CCAR1: variants seen among roughly 807,000 people sequenced by gnomAD.
CCAR1 encodes the protein cell division cycle and apoptosis regulator protein 1.
Under a neutral mutation model 163.8 loss-of-function variants are expected in CCAR1, and 78 were observed. That is an observed-to-expected ratio of 0.48 (90% CI 0.40 to 0.57). The LOEUF is 0.57. Among genes scored for constraint, CCAR1 ranks in the 20% least tolerant of loss-of-function variants. The pLI is 0.00. For missense variants in CCAR1, 1,019 were observed against 1,365.2 expected, an observed-to-expected ratio of 0.75 and a Z score of 4.00; for synonymous variants, 443 against 460.7, an observed-to-expected ratio of 0.96 and a Z score of 0.49.
intron 19 of CCAR1, among the ~76,000 whole-genome samples, chr10:68,780,831 C>A (rs1003337772): frequency 1.3e-5 from 2 of 152,142 alleles, no homozygotes; most frequent in Non-Finnish European, 2.9e-5. Flanking sequence ...AGATGACGAG[C>A]TTAATTATAA....
At chr10:68,743,811 T>G (rs983183248) in intron 6 of CCAR1, among the ~76,000 whole-genome samples, 1 of 151,990 alleles carries the variant, frequency 6.6e-6, no homozygotes, top group Non-Finnish European at 1.5e-5. Flanking sequence ...AGTGCAGTGG[T>G]GCGATCTCAG....
intron 19 of CCAR1, among the ~76,000 whole-genome samples, chr10:68,775,497 C>CTT (rs58856212): frequency 1.5e-4 from 18 of 117,982 alleles, no homozygotes; most frequent in African/African-American, 5.2e-4. Flanking sequence ...GCCTCATTTT[C>CTT]TTTTTTTTTT....
Position 68,738,822 on chromosome 10 carries a change from G to A in CCAR1, c.291+933G>A, listed in dbSNP as rs189066371. Among the ~76,000 whole-genome samples the A allele has an allele frequency of 1.0e-3, 153 of 152,166 alleles. 1 individual carries two copies. Among genetic ancestry groups the A allele is most frequent in the Admixed American group, 4.1e-3 (62 of 15,274 alleles). The stretch of plus-strand genomic sequence containing the variant: ...AGCACTTTGGGAGGCCAAGGCGGGC[G>A]GATCACTTGAGGTCAGGAGTTTGAT... On this transcript the variant is annotated intron_variant, in intron 4 of 24. Coordinates refer to ENST00000265872, the MANE Select transcript of CCAR1 (RefSeq NM_018237.4).
chr10:68,721,391 G>T (rs910747948), intron 1 of CCAR1, 109 bp downstream of exon 1: 4 of 286,526 alleles, frequency 1.4e-5, no homozygotes, highest in African/African-American at 4.8e-5. Flanking sequence ...TAGCCCGGCG[G>T]CCCCGGGCGG....
chr10:68,771,826 T>G lies in CCAR1; in HGVS notation c.2538+381T>G, dbSNP rs147125271. Reference sequence around the variant, plus strand: ...TTCAGATCTTCAAATTAAGCCAATATGAGCATCTACAGCTAGTTTTCTAAT... The same window carrying G: ...TTCAGATCTTCAAATTAAGCCAATAGGAGCATCTACAGCTAGTTTTCTAAT... On this transcript the variant is annotated intron_variant, in intron 18 of 24. Coordinates refer to ENST00000265872, the MANE Select transcript of CCAR1 (RefSeq NM_018237.4). 5.7e-3 allele frequency among the ~76,000 whole-genome samples: 872 copies of G among 152,218 alleles called. 11 individuals carry two copies. Among genetic ancestry groups the G allele is most frequent in the African/African-American group, 0.02 (830 of 41,546 alleles).
Position 68,747,260 on chromosome 10 carries a change from A to G in CCAR1, c.618A>G (p.Gln206=). The G allele has an allele frequency of 1.2e-6, 2 of 1,606,196 alleles. No individual in the cohort carries two copies. Among genetic ancestry groups the G allele is most frequent in the South Asian group, 2.2e-5 (2 of 89,898 alleles). ...MPFKWNAQRI[Q]TLPNQNQSQT... is the part of the protein sequence containing the mutation. ...TTAAATGGAATGCACAGAGAATTCA[A>G]ACACTACCAAATCAGGTACAGAAAG... Residue 206 remains glutamine, a synonymous_variant, in exon 7 of 25, where the codon CAA becomes CAG. Transcript: ENST00000265872.
chr10:68,758,803 G>C (rs2056432910), intron 15 of CCAR1, among the ~76,000 whole-genome samples: 1 of 151,594 alleles, frequency 6.6e-6, no homozygotes. Flanking sequence ...CTCCCGAGTA[G>C]CTGGGACTAC....
At chr10:68,773,286 T>G (rs1223410708) in intron 19 of CCAR1, among the ~76,000 whole-genome samples, 187 bp downstream of exon 19, 1 of 152,180 alleles carries the variant, frequency 6.6e-6, no homozygotes, top group African/African-American at 2.4e-5. Context: ...TATTTATTAC[T>G]AATTATCCTA....
At position 68,745,402 on chromosome 10, in the gene CCAR1, A is replaced by G. The variant is rs913664254; in HGVS notation, c.519-1759A>G. ...CTGCAGCCTCAAATTCCCAGGTTCA[A>G]GGGATCTTCCTGCTTCAGCCTCTGA... On this transcript the variant is annotated intron_variant, in intron 6 of 24. Coordinates refer to ENST00000265872, the MANE Select transcript of CCAR1 (RefSeq NM_018237.4). Among the ~76,000 whole-genome samples the G allele has an allele frequency of 1.3e-4, 19 of 151,662 alleles. No individual in the cohort carries two copies. In the East Asian group the frequency reaches 1.4e-3, roughly 11 times the overall value.
chr10:68,749,175 C>T lies in CCAR1; in HGVS notation c.866C>T (p.Pro289Leu). 3 of 1,613,766 alleles carry T rather than the reference C, an allele frequency of 1.9e-6. No individual in the cohort carries two copies. The highest frequency in any genetic ancestry group is 2.5e-6 in the Non-Finnish European group (3 of 1,179,916). The change falls in exon 9 of 25, where the codon CCA becomes CTA. Residue 289 changes from proline (P) to leucine (L), a missense_variant. By Grantham distance (98) the Pro-to-Leu change is moderately conservative. This residue lies in a region of CCAR1 where 644 missense variants were observed against 904.4 expected (regional missense o/e 0.71). Coordinates refer to ENST00000265872, the MANE Select transcript of CCAR1 (RefSeq NM_018237.4). The stretch of plus-strand genomic sequence containing the variant: ...CCTCCTGTTCGTATAGTTTCACAGC[C>T]ACAACCGGCACGACGATTAGATCCC... The part of the protein sequence containing the change: ...LQPPVRIVSQ[P>L]QPARRLDPPS...
chr10:68,786,471 T>G (rs938137863), intron 20 of CCAR1, 75 bp from the exon 21 acceptor site: 1 of 1,005,990 alleles, frequency 9.9e-7, no homozygotes, highest in Admixed American at 3.0e-5. Context: ...TTATGCACAG[T>G]CTCCGTTTCT....
chr10:68,729,415 G>C (rs528632538), intron 2 of CCAR1, among the ~76,000 whole-genome samples: 6 of 151,466 alleles, frequency 4.0e-5, no homozygotes, highest in African/African-American at 1.5e-4. Flanking sequence ...GACTACAGGC[G>C]CCTGCCACCA....
Position 68,786,133 on chromosome 10 carries a change from C to T in CCAR1, c.2651-3C>T. ...TTTTGCCACTGTTATATTTATTTTACAGATAGGGATGAGGAAGAAATGACC... is the reference window on the plus strand; with the variant it reads ...TTTTGCCACTGTTATATTTATTTTATAGATAGGGATGAGGAAGAAATGACC... On this transcript the variant is annotated splice_polypyrimidine_tract_variant and splice_region_variant and intron_variant, in intron 19 of 24. Coordinates refer to ENST00000265872, the MANE Select transcript of CCAR1 (RefSeq NM_018237.4). 6.2e-7 allele frequency: 1 copy of T among 1,602,764 alleles called. No individual in the cohort carries two copies. Among genetic ancestry groups the T allele is most frequent in the East Asian group, 2.2e-5 (1 of 44,756 alleles).
intron 10 of CCAR1, among the ~76,000 whole-genome samples, chr10:68,751,642 CA>C (rs2056332143): frequency 6.6e-6 from 1 of 151,802 alleles, no homozygotes; most frequent in Admixed American, 6.6e-5. Context: ...GCGGACAGAT[CA>C]CTTGAGGTCA....
At chr10:68,754,283 C>T (rs896074421) in intron 11 of CCAR1, among the ~76,000 whole-genome samples, 1 of 152,168 alleles carries the variant, frequency 6.6e-6, no homozygotes. Context: ...GTTATTCTAA[C>T]ATTTTAAACC....
At chr10:68,721,468 G>A (rs1237066378) in intron 1 of CCAR1, 186 bp downstream of exon 1, 7 of 385,464 alleles carry the variant, frequency 1.8e-5, no homozygotes, top group Non-Finnish European at 3.0e-5. Flanking sequence ...GTCGGAGCAG[G>A]CCCGGCGCGG....
At chr10:68,730,130 C>T (rs1352657666) in intron 2 of CCAR1, among the ~76,000 whole-genome samples, 1 of 151,732 alleles carries the variant, frequency 6.6e-6, no homozygotes, top group Non-Finnish European at 1.5e-5. Flanking sequence ...CCATGTTGGT[C>T]AGGCTGGTCT....
intron 16 of CCAR1, among the ~76,000 whole-genome samples, chr10:68,762,272 T>C (rs1244084901): frequency 6.6e-6 from 1 of 151,476 alleles, no homozygotes; most frequent in African/African-American, 2.4e-5. Flanking sequence ...GAGCTTGCAG[T>C]GAGCCCAGAT....
At chr10:68,763,244 G>A (rs1458400418) in intron 16 of CCAR1, among the ~76,000 whole-genome samples, 2 of 152,018 alleles carry the variant, frequency 1.3e-5, no homozygotes, top group African/African-American at 4.8e-5. Flanking sequence ...TCTGCCTCCT[G>A]GGTTCAAGCT....
Sources: gnomAD v4.1 joint callset for allele counts (sites outside exome capture counted in the v4.1 genomes callset) on GRCh38, gnomAD v4.1.1 for gene constraint, gnomAD v4.1.1 regional missense constraint, MANE v1.5 for transcripts, NCBI Gene and HGNC (gene_info 2026-07-23, HGNC 2026-07-21) for gene names.